CFAP61: variants seen among roughly 807,000 people sequenced by gnomAD.
CFAP61 encodes cilia and flagella associated protein 61, also known as cilia- and flagella-associated protein 61.
In CFAP61, 107 loss-of-function variants were observed where a neutral mutation model predicts 135.6. The ratio of observed to expected loss-of-function variants is 0.79; its 90% CI spans 0.67 to 0.93. CFAP61 has a LOEUF of 0.93. Among genes scored for constraint, CFAP61 ranks in the 40% least tolerant of loss-of-function variants. CFAP61 has a pLI of 0.00. For missense variants in CFAP61, 1,507 were observed against 1,556.2 expected, an observed-to-expected ratio of 0.97 and a Z score of 0.53; for synonymous variants, 575 against 578.5, an observed-to-expected ratio of 0.99 and a Z score of 0.09.
intron 20 of CFAP61, among the ~76,000 whole-genome samples, chr20:20,257,632 A>C (rs1263749682): frequency 1.3e-5 from 2 of 150,328 alleles, no homozygotes; most frequent in East Asian, 1.9e-4. Context: ...AAAAAACAAA[A>C]AAAAAAAAGA....
At chr20:20,284,606 A>G (rs979676249) in intron 22 of CFAP61, among the ~76,000 whole-genome samples, 9 of 152,096 alleles carry the variant, frequency 5.9e-5, no homozygotes, top group African/African-American at 2.2e-4. Context: ...TTTTAACTAT[A>G]TCTTATCTTT....
At chr20:20,245,083 A>T (rs1361132972) in intron 18 of CFAP61, among the ~76,000 whole-genome samples, 1 of 152,198 alleles carries the variant, frequency 6.6e-6, no homozygotes, top group Non-Finnish European at 1.5e-5. Flanking sequence ...AAAGCCATTC[A>T]ACAAGTCTCT....
chr20:20,138,617 C>T (rs1474916507), intron 8 of CFAP61, among the ~76,000 whole-genome samples: 1 of 152,262 alleles, frequency 6.6e-6, no homozygotes, highest in African/African-American at 2.4e-5. Context: ...ACTGTCTTTC[C>T]TGCCCTCTTC....
chr20:20,231,913 T>C (rs1317660042), intron 18 of CFAP61, among the ~76,000 whole-genome samples: 1 of 152,214 alleles, frequency 6.6e-6, no homozygotes, highest in Non-Finnish European at 1.5e-5. Flanking sequence ...ATGACTGTTC[T>C]TGTGATTGGT....
intron 8 of CFAP61, among the ~76,000 whole-genome samples, chr20:20,113,648 A>T (rs1479467642): frequency 2.6e-5 from 4 of 152,202 alleles, no homozygotes; most frequent in African/African-American, 9.6e-5. Context: ...CCCACACGTA[A>T]TCGATTTTCA....
At chr20:20,228,803 C>G (rs4814967) in intron 18 of CFAP61, among the ~76,000 whole-genome samples, 13,830 of 152,166 alleles carry the variant, frequency 0.091, 1,384 homozygotes, top group East Asian at 0.53. Context: ...CTTACTGGCC[C>G]GATCACAAAA....
rs936978231 is a variant in CFAP61 at position 20,176,830 on chromosome 20, C to T, written c.1385+7370C>T. 2.6e-5 allele frequency among the ~76,000 whole-genome samples: 4 copies of T among 152,128 alleles called. No homozygotes were observed. In the South Asian group the frequency reaches 6.2e-4, roughly 24 times the overall value. On this transcript the variant is annotated intron_variant, in intron 13 of 26. Transcript: ENST00000245957. ...CAAACCACCGTGGCACACTATGTAA[C>T]GTATATTTGTCCTGCACATGTATCC...
At chr20:20,105,999 CCT>C (rs2048359152) in intron 8 of CFAP61, among the ~76,000 whole-genome samples, 1 of 21,154 alleles carries the variant, frequency 4.7e-5, no homozygotes, top group Non-Finnish European at 8.4e-5. Context: ...GCTACTCTTG[CCT>C]ATATATATAT....
At position 20,288,722 on chromosome 20, in the gene CFAP61, C is replaced by A; in HGVS notation, c.2910C>A (p.Asn970Lys). 6.2e-7 allele frequency: 1 copy of A among 1,614,070 alleles called. No individual in the cohort carries two copies. The highest frequency in any genetic ancestry group is 8.5e-7 in the Non-Finnish European group (1 of 1,179,938). ...TGATTGATACCAACTTCCACACCAA[C>A]GACATAGCCATCAGAGCTGCTGGCT... ...RLVIDTNFHT[N>K]DIAIRAAGSL... Residue 970 changes from asparagine to lysine, a missense_variant, in exon 23 of 27, where the codon AAC becomes AAA. Physicochemically the swap from Asn to Lys is moderately conservative, Grantham distance 94. Coordinates refer to ENST00000245957, the MANE Select transcript of CFAP61 (RefSeq NM_015585.4).
intron 2 of CFAP61, among the ~76,000 whole-genome samples, chr20:20,059,582 C>A (rs182785913): frequency 6.6e-6 from 1 of 151,692 alleles, no homozygotes; most frequent in East Asian, 1.9e-4. Flanking sequence ...CGCACCACTG[C>A]GCTCCAGCCT....
chr20:20,113,079 T>G (rs930268000), intron 8 of CFAP61, among the ~76,000 whole-genome samples: 8 of 152,218 alleles, frequency 5.3e-5, no homozygotes, highest in African/African-American at 1.9e-4. Context: ...TATTACAGCC[T>G]CATATAGGAT....
At chr20:20,104,425 C>T (rs1027911766) in intron 8 of CFAP61, among the ~76,000 whole-genome samples, 1 of 152,178 alleles carries the variant, frequency 6.6e-6, no homozygotes, top group Non-Finnish European at 1.5e-5. Flanking sequence ...ACAATGGCTA[C>T]ATTAAGTCTT....
At chr20:20,229,803 A>G (rs2049000561) in intron 18 of CFAP61, among the ~76,000 whole-genome samples, 1 of 152,228 alleles carries the variant, frequency 6.6e-6, no homozygotes, top group African/African-American at 2.4e-5. Context: ...AACAGAGTTC[A>G]TGTGCTTTGA....
At chr20:20,183,499 T>C (rs991239122) in intron 13 of CFAP61, among the ~76,000 whole-genome samples, 1 of 152,156 alleles carries the variant, frequency 6.6e-6, no homozygotes, top group Non-Finnish European at 1.5e-5. Context: ...TAAAAACCTT[T>C]TGGGAAATAG....
chr20:20,088,098 A>G (rs552439376), intron 6 of CFAP61, among the ~76,000 whole-genome samples: 1 of 152,196 alleles, frequency 6.6e-6, no homozygotes, highest in Non-Finnish European at 1.5e-5. Flanking sequence ...AATGGTTGAC[A>G]TTTGTTTCTG....
At chr20:20,280,063 C>T (rs926757350) in intron 22 of CFAP61, among the ~76,000 whole-genome samples, 1 of 152,018 alleles carries the variant, frequency 6.6e-6, no homozygotes, top group African/African-American at 2.4e-5. Context: ...GATGTCCTGA[C>T]CCCCAGTACC....
intron 9 of CFAP61, among the ~76,000 whole-genome samples, chr20:20,150,716 G>C (rs1006371638): frequency 2.6e-5 from 4 of 152,194 alleles, no homozygotes; most frequent in Non-Finnish European, 4.4e-5. Flanking sequence ...CCTGAAGATA[G>C]ATTGTATCAC....
intron 26 of CFAP61, among the ~76,000 whole-genome samples, chr20:20,347,529 G>C (rs1008952010): frequency 1.3e-5 from 2 of 152,174 alleles, no homozygotes; most frequent in African/African-American, 4.8e-5. Context: ...AAATACAAGT[G>C]GGGACATTAC....
chr20:20,269,859 T>C (rs1477376655), intron 21 of CFAP61, among the ~76,000 whole-genome samples: 1 of 152,132 alleles, frequency 6.6e-6, no homozygotes. Flanking sequence ...GATTTTGAAA[T>C]AGACTCACAG....
Sources: gnomAD v4.1 joint callset for allele counts (sites outside exome capture counted in the v4.1 genomes callset) on GRCh38, gnomAD v4.1.1 for gene constraint, MANE v1.5 for transcripts, NCBI Gene and HGNC (gene_info 2026-07-23, HGNC 2026-07-21) for gene names.